Variants in NSUN3 observed in about 807,000 individuals in gnomAD.
NSUN3 encodes the protein NOP2/Sun RNA methyltransferase 3, also known as tRNA (cytosine(34)-C(5))-methyltransferase, mitochondrial.
In NSUN3, 24 loss-of-function variants were observed where a neutral mutation model predicts 36.8. That is an observed-to-expected ratio of 0.65 (90% CI 0.47 to 0.92). NSUN3 has a LOEUF of 0.92. NSUN3 is among the 40% of genes least tolerant of loss of function. NSUN3 has a pLI of 0.00. For synonymous variants in NSUN3, 146 were observed against 145.2 expected (o/e 1.01, Z -0.04); for missense variants, 381 against 392.8 (o/e 0.97, Z 0.25).
chr3:94,072,018 A>C (rs973374773), intron 2 of NSUN3, among the ~76,000 whole-genome samples: 3 of 152,144 alleles, frequency 2.0e-5, no homozygotes, highest in African/African-American at 7.2e-5. Context: ...GAATCATATT[A>C]ATACACAGCT....
rs756580372 is a variant in NSUN3 at position 94,084,408 on chromosome 3, C to T, written c.424C>T (p.Pro142Ser). Residue 142 changes from proline to serine, a missense_variant, in exon 3 of 6, where the codon CCT becomes TCT. Transcript: ENST00000314622. Reference sequence around the variant, plus strand: ...GAAGGTTCTGGATCTCTGTGCTGCTCCTGGAGGGAAATCAATAGCTCTGCT... The same window carrying T: ...GAAGGTTCTGGATCTCTGTGCTGCTTCTGGAGGGAAATCAATAGCTCTGCT... ...GEKVLDLCAAPGGKSIALLQC... is the reference protein window; with the variant it reads ...GEKVLDLCAASGGKSIALLQC... 21 of 1,613,878 alleles carry T rather than the reference C, an allele frequency of 1.3e-5. No homozygotes were observed. The Admixed American group carries it at 2.3e-4, about 18-fold the overall frequency.
chr3:94,111,438 TTTTTAC>T (rs2077416995), intron 5 of NSUN3, among the ~76,000 whole-genome samples: 2 of 152,186 alleles, frequency 1.3e-5, no homozygotes, highest in Non-Finnish European at 2.9e-5. Flanking sequence ...TACTGTAACT[TTTTTAC>T]TTTATAAAGT....
intron 2 of NSUN3, among the ~76,000 whole-genome samples, chr3:94,070,525 GAA>G (rs1261508600): frequency 6.6e-6 from 1 of 152,160 alleles, no homozygotes; most frequent in African/African-American, 2.4e-5. Flanking sequence ...GTGAGAAATA[GAA>G]AGACTTTTCA....
chr3:94,079,528 A>G (rs527513247), intron 2 of NSUN3, among the ~76,000 whole-genome samples: 1 of 152,166 alleles, frequency 6.6e-6, no homozygotes, highest in South Asian at 2.1e-4. Context: ...CTGTTTTCCA[A>G]CTTGTTTCAT....
At chr3:94,109,574 A>C (rs1391759475) in intron 5 of NSUN3, among the ~76,000 whole-genome samples, 1 of 152,242 alleles carries the variant, frequency 6.6e-6, no homozygotes, top group Non-Finnish European at 1.5e-5. Context: ...ACTAGAATCC[A>C]CGAAGACAAA....
At chr3:94,095,482 G>A (rs1431088522) in intron 5 of NSUN3, among the ~76,000 whole-genome samples, 1 of 152,158 alleles carries the variant, frequency 6.6e-6, no homozygotes, top group East Asian at 1.9e-4. Flanking sequence ...ACCAGAATCT[G>A]AGCAGCCCCT....
chr3:94,105,920 G>T lies in NSUN3; in HGVS notation c.743+10766G>T, dbSNP rs1489381792. 1.4e-4 allele frequency among the ~76,000 whole-genome samples: 21 copies of T among 151,418 alleles called. 1 individual carries two copies. Among genetic ancestry groups the T allele is most frequent in the Admixed American group, 1.4e-3 (21 of 15,188 alleles). Reference sequence around the variant, plus strand: ...CATTTGTATGAGTTAAGAGGCAATGGTTGATAGGTCAAAGACCCTACCTTG... The same window carrying T: ...CATTTGTATGAGTTAAGAGGCAATGTTTGATAGGTCAAAGACCCTACCTTG... On this transcript the variant is annotated intron_variant, in intron 5 of 5. Coordinates refer to ENST00000314622, the MANE Select transcript of NSUN3 (RefSeq NM_022072.5).
chr3:94,067,443 T>C (rs1361042781), intron 2 of NSUN3, among the ~76,000 whole-genome samples: 1 of 152,180 alleles, frequency 6.6e-6, no homozygotes, highest in African/African-American at 2.4e-5. Context: ...CTGAGAGTCA[T>C]CCTTGGAATC....
At chr3:94,094,429 A>C in intron 4 of NSUN3, 135 bp downstream of exon 4, 2 of 818,234 alleles carry the variant, frequency 2.4e-6, no homozygotes, top group Non-Finnish European at 3.8e-6. Flanking sequence ...AATTTTGATA[A>C]AGTGAACATG....
Position 94,063,144 on chromosome 3 carries a change from ACC to A in NSUN3, c.12+7_12+8del. ...GCGGGACAATGCTGACCCAGGTGAG[ACC>A]TGGGGCCCGGCTGGGTACCTCTATC... On this transcript the variant is annotated splice_region_variant and intron_variant, in intron 1 of 5. Transcript: ENST00000314622. The A allele has an allele frequency of 1.9e-6, 3 of 1,613,870 alleles. No individual in the cohort carries two copies. Among genetic ancestry groups the A allele is most frequent in the Non-Finnish European group, 2.5e-6 (3 of 1,179,960 alleles).
chr3:94,121,642 A>G (rs1045664282), intron 5 of NSUN3, among the ~76,000 whole-genome samples: 2 of 152,188 alleles, frequency 1.3e-5, no homozygotes, highest in African/African-American at 4.8e-5. Flanking sequence ...AGGAGAGGAA[A>G]CATAGAAAAA....
chr3:94,072,824 T>A (rs1246147679), intron 2 of NSUN3, among the ~76,000 whole-genome samples: 1 of 152,138 alleles, frequency 6.6e-6, no homozygotes, highest in Non-Finnish European at 1.5e-5. Context: ...ATTATTATAC[T>A]TTAAGTTCTG....
chr3:94,086,394 A>T (rs1020192231), intron 3 of NSUN3, among the ~76,000 whole-genome samples: 2 of 152,234 alleles, frequency 1.3e-5, no homozygotes, highest in Admixed American at 1.3e-4. Flanking sequence ...GTGAAAGGAG[A>T]TGCCCCACTG....
Position 94,115,580 on chromosome 3 carries a change from G to A in NSUN3, c.744-10631G>A, listed in dbSNP as rs185109166. The stretch of plus-strand genomic sequence containing the variant: ...ATTGTGACTTCAAACTTGTTTTAGC[G>A]ATGACATAAAAAGAATTTGTTTATC... On this transcript the variant is annotated intron_variant, in intron 5 of 5. Transcript: ENST00000314622. Among the ~76,000 whole-genome samples, 324 of 152,286 alleles carry A rather than the reference G, an allele frequency of 2.1e-3. 3 individuals carry two copies. Among genetic ancestry groups the A allele is most frequent in the Admixed American group, 7.2e-3 (110 of 15,290 alleles).
At chr3:94,085,066 G>T (rs577335563) in intron 3 of NSUN3, 1 of 151,914 alleles carries the variant, frequency 6.6e-6, no homozygotes, top group East Asian at 1.9e-4. Flanking sequence ...AATTGGTTAC[G>T]TTACAGTTAC....
intron 1 of NSUN3, 49 bp downstream of exon 1, chr3:94,063,187 T>C: frequency 6.2e-7 from 1 of 1,607,202 alleles, no homozygotes; most frequent in Non-Finnish European, 8.5e-7. Context: ...GAGACGCTTC[T>C]GGACGCGGCC....
chr3:94,103,603 A>G (rs1456518463), intron 5 of NSUN3, among the ~76,000 whole-genome samples: 4 of 151,996 alleles, frequency 2.6e-5, no homozygotes, highest in Non-Finnish European at 4.4e-5. Flanking sequence ...CTGCTATAGT[A>G]TGTAGAGTAA....
chr3:94,120,797 G>A (rs2077458075), intron 5 of NSUN3, among the ~76,000 whole-genome samples: 1 of 152,158 alleles, frequency 6.6e-6, no homozygotes, highest in African/African-American at 2.4e-5. Context: ...ACCAGAAGTG[G>A]AATTGCTGGA....
chr3:94,076,762 A>G, intron 2 of NSUN3: 1 of 1,498,270 alleles, frequency 6.7e-7, no homozygotes, highest in Non-Finnish European at 9.3e-7. Flanking sequence ...TGATAATACA[A>G]GGATTCTGGG....
Sources: allele counts gnomAD v4.1 joint callset (sites outside exome capture counted in the v4.1 genomes callset), GRCh38; gene constraint gnomAD v4.1.1; transcripts MANE v1.5; gene names NCBI Gene and HGNC (gene_info 2026-07-23, HGNC 2026-07-21).